RPS6KA5: variants seen among roughly 807,000 people sequenced by gnomAD.
The protein encoded by RPS6KA5 is ribosomal protein S6 kinase A5, also known as ribosomal protein S6 kinase alpha-5.
Under a neutral mutation model 85.5 loss-of-function variants are expected in RPS6KA5, and 27 were observed. The observed-to-expected ratio is 0.32, with a 90% CI of 0.23 to 0.44. The LOEUF (loss-of-function observed/expected upper bound fraction) is 0.44, where lower values mean the gene tolerates loss of function less well. Ranked by LOEUF, RPS6KA5 falls within the 20% of genes least tolerant of loss-of-function variation. The pLI, the probability that RPS6KA5 is intolerant of heterozygous loss-of-function variation, is 1.00. For synonymous variants in RPS6KA5, 334 were observed against 348.2 expected (o/e 0.96, Z 0.46); for missense variants, 811 against 980.9 (o/e 0.83, Z 2.31).
At chr14:90,940,055 G>A (rs1203591666) in intron 5 of RPS6KA5, among the ~76,000 whole-genome samples, 1 of 152,132 alleles carries the variant, frequency 6.6e-6, no homozygotes, top group Non-Finnish European at 1.5e-5. Flanking sequence ...AGAACCATTA[G>A]ATCAAGTTTC....
intron 3 of RPS6KA5, among the ~76,000 whole-genome samples, chr14:90,963,541 G>A (rs1406144702): frequency 3.3e-5 from 5 of 152,152 alleles, no homozygotes; most frequent in African/African-American, 1.2e-4. Flanking sequence ...ATAAGGAAGA[G>A]CTTTCCCTTC....
chr14:90,985,841 ATC>A (rs1288424958), intron 2 of RPS6KA5, among the ~76,000 whole-genome samples: 1 of 152,110 alleles, frequency 6.6e-6, no homozygotes, highest in Non-Finnish European at 1.5e-5. Context: ...TACTTGTTGT[ATC>A]TGTTATTCTT....
Position 90,981,914 on chromosome 14 carries a change from G to A in RPS6KA5, c.176-3390C>T, listed in dbSNP as rs553737459. Among the ~76,000 whole-genome samples the A allele has an allele frequency of 2.6e-5, 4 of 152,318 alleles. No homozygotes were observed. The East Asian group carries it at 5.8e-4, about 22-fold the overall frequency. On this transcript the variant is annotated intron_variant, in intron 2 of 16. Transcript: ENST00000614987. ...GTTTTGTTTTTGAAGCACCCATAAA[G>A]CTGTTTATCACATTGCCAAATGGGA...
chr14:90,947,382 T>C (rs937855635), intron 4 of RPS6KA5, 53 bp downstream of exon 4: 7 of 946,848 alleles, frequency 7.4e-6, no homozygotes, highest in Non-Finnish European at 1.2e-5. Context: ...AGCTCCATTA[T>C]TACCTTAGTT....
chr14:91,037,999 G>A (rs889874669), intron 1 of RPS6KA5, among the ~76,000 whole-genome samples: 22 of 152,202 alleles, frequency 1.4e-4, no homozygotes, highest in African/African-American at 5.1e-4. Flanking sequence ...TATTGTTCTG[G>A]AGGAAATAGG....
At chr14:90,923,055 G>C (rs2036484672) in intron 6 of RPS6KA5, 58 bp downstream of exon 6, 1 of 1,279,456 alleles carries the variant, frequency 7.8e-7, no homozygotes, top group Non-Finnish European at 1.1e-6. Flanking sequence ...TTGTTAACTA[G>C]GATTCTTATA....
chr14:91,004,584 C>T (rs1193734603), intron 1 of RPS6KA5, among the ~76,000 whole-genome samples: 3 of 152,170 alleles, frequency 2.0e-5, no homozygotes, highest in South Asian at 2.1e-4. Flanking sequence ...GTCCAACTTA[C>T]ATACAATAAA....
intron 3 of RPS6KA5, among the ~76,000 whole-genome samples, chr14:90,962,552 G>A (rs2140424766): frequency 6.6e-6 from 1 of 151,582 alleles, no homozygotes; most frequent in East Asian, 1.9e-4. Context: ...CTCCCAAAGT[G>A]CTGGGATTGC....
At chr14:91,027,300 G>A (rs986988507) in intron 1 of RPS6KA5, among the ~76,000 whole-genome samples, 10 of 152,108 alleles carry the variant, frequency 6.6e-5, no homozygotes, top group Non-Finnish European at 1.2e-4. Context: ...GAAAGGTAGG[G>A]GTCCAGTTTC....
At chr14:90,926,834 C>T (rs565077142) in intron 5 of RPS6KA5, among the ~76,000 whole-genome samples, 10 of 151,710 alleles carry the variant, frequency 6.6e-5, no homozygotes, top group East Asian at 5.8e-4. Context: ...AGAAATCTAA[C>T]GTATGTATTT....
intron 1 of RPS6KA5, among the ~76,000 whole-genome samples, chr14:91,013,035 A>T (rs1376264171): frequency 6.6e-6 from 1 of 152,134 alleles, no homozygotes; most frequent in East Asian, 1.9e-4. Context: ...CCCTGTGAAC[A>T]TCCATCCTCA....
At position 91,055,473 on chromosome 14, in the gene RPS6KA5, A is replaced by G. The variant is rs565278918; in HGVS notation, c.103+4859T>C. Among the ~76,000 whole-genome samples, 19 of 152,210 alleles carry G rather than the reference A, an allele frequency of 1.2e-4. 1 individual carries two copies. Among genetic ancestry groups the G allele is most frequent in the Non-Finnish European group, 2.2e-4 (15 of 68,048 alleles). On this transcript the variant is annotated intron_variant, in intron 1 of 16. Transcript: ENST00000614987. Reference sequence around the variant, plus strand: ...ACAACAACAACAAAATGAAGTACTGATGCATGCTACAAATGGATTAATTTT... The same window carrying G: ...ACAACAACAACAAAATGAAGTACTGGTGCATGCTACAAATGGATTAATTTT...
At chr14:90,990,255 T>G (rs1008805326) in intron 2 of RPS6KA5, among the ~76,000 whole-genome samples, 3 of 152,048 alleles carry the variant, frequency 2.0e-5, no homozygotes, top group African/African-American at 7.2e-5. Context: ...AACATACACA[T>G]TGCCAACAAG....
chr14:91,035,866 AAAAAAAAAAAAAAAAC>A (rs1265833137), intron 1 of RPS6KA5, among the ~76,000 whole-genome samples: 1 of 147,640 alleles, frequency 6.8e-6, no homozygotes, highest in East Asian at 1.9e-4. Flanking sequence ...AAAAAAAAAA[AAAAAAAAAAAAAAAAC>A]CCCAAAGCTG....
At chr14:91,032,670 G>A (rs1048847112) in intron 1 of RPS6KA5, among the ~76,000 whole-genome samples, 3 of 151,992 alleles carry the variant, frequency 2.0e-5, no homozygotes, top group African/African-American at 7.3e-5. Context: ...AGTTTTAACA[G>A]GAATATATAG....
chr14:90,888,197 A>T (rs540154165), intron 14 of RPS6KA5, among the ~76,000 whole-genome samples: 6 of 152,256 alleles, frequency 3.9e-5, no homozygotes, highest in African/African-American at 1.4e-4. Context: ...AAAATTTGAC[A>T]ATTAGATTTA....
At chr14:91,053,131 G>A (rs2043164942) in intron 1 of RPS6KA5, among the ~76,000 whole-genome samples, 1 of 152,028 alleles carries the variant, frequency 6.6e-6, no homozygotes, top group African/African-American at 2.4e-5. Context: ...AATAGATGCA[G>A]AAAAAAGCAT....
In RPS6KA5 at chr14:90,860,486, A is replaced by G. The variant is rs1457683386; in HGVS notation, c.*11588T>C. The stretch of plus-strand genomic sequence containing the variant: ...GAGGTGGAGGTTGCAGTGAGCCAAG[A>G]TTGTGCCACTGCACTCCAGCCTGGG... On this transcript the variant is annotated 3_prime_UTR_variant, in exon 17 of 17. Coordinates refer to ENST00000614987, the MANE Select transcript of RPS6KA5 (RefSeq NM_004755.4). 6.6e-6 allele frequency: 1 copy of G among 152,252 alleles called. No individual in the cohort carries two copies. Among genetic ancestry groups the G allele is most frequent in the Non-Finnish European group, 1.5e-5 (1 of 68,100 alleles). 9.4% of individuals were successfully genotyped at this position (152,252 alleles called of 1,614,324 possible).
chr14:90,982,749 C>A (rs556015992), intron 2 of RPS6KA5, among the ~76,000 whole-genome samples: 2 of 152,284 alleles, frequency 1.3e-5, no homozygotes, highest in South Asian at 2.1e-4. Context: ...GAGGCCGGAG[C>A]GGGCGGATCA....
Sources: gnomAD v4.1 joint callset for allele counts (sites outside exome capture counted in the v4.1 genomes callset) on GRCh38, gnomAD v4.1.1 for gene constraint, MANE v1.5 for transcripts, NCBI Gene and HGNC (gene_info 2026-07-23, HGNC 2026-07-21) for gene names.